Variants in RRP36 observed in about 807,000 individuals in gnomAD.
The protein encoded by RRP36 is ribosomal RNA processing 36.
A neutral mutation model predicts 39.8 loss-of-function variants in RRP36; 44 were observed. The ratio of observed to expected loss-of-function variants is 1.10; its 90% CI spans 0.87 to 1.42. The LOEUF is 1.42. Ranked by LOEUF, RRP36 falls within the 40% of genes most tolerant of loss-of-function variation. RRP36 has a pLI of 0.00. For synonymous variants in RRP36, 124 were observed against 123.1 expected, an observed-to-expected ratio of 1.01 and a Z score of -0.05; for missense variants, 316 against 322.4, an observed-to-expected ratio of 0.98 and a Z score of 0.15.
In RRP36 at chr6:43,021,665, C is replaced by T. The variant is rs575703356; in HGVS notation, c.11C>T (p.Ala4Val). 9.1e-5 allele frequency: 115 copies of T among 1,269,804 alleles called. No individual in the cohort carries two copies. The South Asian group carries it at 1.2e-3, about 13-fold the overall frequency. The allele number at this position is 1,269,804 out of a possible 1,614,324, so 78.7% of individuals were successfully genotyped here. A position where few individuals can be genotyped will look rare whatever the true frequency, so the allele number is the denominator to read the frequency against. ...CGCTACTGCCAGCTGATGCCGGGAG[C>T]TAACTACCGCGCCGGGGCCGGGGCC... MPG[A>V]NYRAGAGAGA... Residue 4 changes from alanine to valine, a missense_variant, in exon 1 of 7, where the codon GCT becomes GTT. Coordinates refer to ENST00000244496, the MANE Select transcript of RRP36 (RefSeq NM_033112.4).
At chr6:43,027,716 C>A (rs1360423464) in intron 6 of RRP36, among the ~76,000 whole-genome samples, 2 of 131,666 alleles carry the variant, frequency 1.5e-5, no homozygotes, top group South Asian at 2.9e-4. Flanking sequence ...TTCCCAACCC[C>A]CCCCCCCCAA....
rs934029119 is a variant in RRP36 at position 43,029,139 on chromosome 6, C to T, written c.691C>T (p.Arg231Cys). 19 of 1,614,110 alleles carry T rather than the reference C, an allele frequency of 1.2e-5. No individual in the cohort carries two copies. The highest frequency in any genetic ancestry group is 4.4e-5 in the South Asian group (4 of 91,088). The change falls in exon 7 of 7, where the codon CGC becomes TGC. Residue 231 changes from arginine (R) to cysteine (C), a missense_variant. Transcript: ENST00000244496. ...AGCTGAGAAGTTCAAGGAGCTGAAA[C>T]GCAGCAAGAAATTGGAGAACTTCTT... is the stretch of plus-strand genomic sequence containing the variant. ...ALAEKFKELK[R>C]SKKLENFLSR...
At chr6:43,021,815 G>T in intron 1 of RRP36, 31 bp downstream of exon 1, 1 of 1,200,314 alleles carries the variant, frequency 8.3e-7, no homozygotes, top group South Asian at 4.3e-5. Context: ...GGGCTGGGGA[G>T]GGGAAGGAGA....
In RRP36 at chr6:43,025,148, C is replaced by T. The variant is rs1341263624; in HGVS notation, c.278+16C>T. On this transcript the variant is annotated intron_variant, in intron 2 of 6. Transcript: ENST00000244496. ...ATAAGCACAGGTAAGCAAGGCTTGCCCTAGAAGTTGGAAGATAACTGGGAC... is the reference window on the plus strand; with the variant it reads ...ATAAGCACAGGTAAGCAAGGCTTGCTCTAGAAGTTGGAAGATAACTGGGAC... The T allele has an allele frequency of 6.2e-7, 1 of 1,613,552 alleles. No homozygotes were observed. The highest frequency in any genetic ancestry group is 2.2e-5 in the East Asian group (1 of 44,878).
intron 2 of RRP36, 42 bp from the exon 3 acceptor site, chr6:43,025,221 A>C: frequency 6.2e-7 from 1 of 1,613,090 alleles, no homozygotes; most frequent in Non-Finnish European, 8.5e-7. Context: ...GCCTTTGACC[A>C]ACACTGGAGT....
At position 43,029,236 on chromosome 6, in the gene RRP36, C is replaced by A. The variant is rs1156464765; in HGVS notation, c.*8C>A. The A allele has an allele frequency of 6.2e-7, 1 of 1,613,744 alleles. No homozygotes were observed. The highest frequency in any genetic ancestry group is 1.3e-5 in the African/African-American group (1 of 75,054). The stretch of plus-strand genomic sequence containing the variant: ...CCTTTGAGCAAAGAGTAATAAGGAA[C>A]TATCCTCTGCTCTGCCACTGCCCCA... On this transcript the variant is annotated 3_prime_UTR_variant, in exon 7 of 7. Transcript: ENST00000244496.
chr6:43,025,304 G>C lies in RRP36; in HGVS notation c.320G>C (p.Arg107Pro), dbSNP rs766723130. 2 of 1,613,782 alleles carry C rather than the reference G, an allele frequency of 1.2e-6. No individual in the cohort carries two copies. The highest frequency in any genetic ancestry group is 2.2e-5 in the East Asian group (1 of 44,874). Residue 107 changes from arginine to proline, a missense_variant, in exon 3 of 7, where the codon CGT becomes CCT. Transcript: ENST00000244496. Reference sequence around the variant, plus strand: ...GCCAAGATCCGAGTACCATTTTTACGTCAGGTTGTTCCCATTAGTAAAAAG... The same window carrying C: ...GCCAAGATCCGAGTACCATTTTTACCTCAGGTTGTTCCCATTAGTAAAAAG... ...MSAKIRVPFL[R>P]QVVPISKKVA...
chr6:43,021,771 C>G lies in RRP36; in HGVS notation c.117C>G (p.Arg39=). 1 of 1,211,978 alleles carries G rather than the reference C, an allele frequency of 8.3e-7. No homozygotes were observed. The highest frequency in any genetic ancestry group is 1.0e-6 in the Non-Finnish European group (1 of 975,012). The allele number at this position is 1,211,978 out of a possible 1,614,324, so 75.1% of individuals were successfully genotyped here. A position where few individuals can be genotyped will look rare whatever the true frequency, so the allele number is the denominator to read the frequency against. The change falls in exon 1 of 7, where the codon CGC becomes CGG. Residue 39 remains arginine, a synonymous_variant. Transcript: ENST00000244496. ...GGGLEPAAVA[R]DLLRGTSNMS... is the part of the protein sequence containing the mutation. Reference sequence around the variant, plus strand: ...GCCTGGAGCCCGCGGCCGTGGCCCGCGACCTATTGAGGGGTGAGGGCATGG... The same window carrying G: ...GCCTGGAGCCCGCGGCCGTGGCCCGGGACCTATTGAGGGGTGAGGGCATGG...
intron 1 of RRP36, among the ~76,000 whole-genome samples, chr6:43,022,259 C>A (rs538423363): frequency 6.6e-6 from 1 of 151,792 alleles, no homozygotes; most frequent in Non-Finnish European, 1.5e-5. Context: ...CCACCACGCC[C>A]GGCTAATTTT....
intron 4 of RRP36, 56 bp downstream of exon 4, chr6:43,026,197 C>A (rs1581886470): frequency 2.3e-6 from 3 of 1,284,898 alleles, no homozygotes; most frequent in Admixed American, 1.7e-5. Context: ...AATGAGGGCA[C>A]AGGTTAGAGA....
chr6:43,029,392 A>C lies in RRP36; in HGVS notation c.*164A>C. ...GCTCTTGGACTATCCCTAGGGCTAC[A>C]CAAGAATAGTTCAGCCTTCTGCCAT... On this transcript the variant is annotated 3_prime_UTR_variant, in exon 7 of 7. Transcript: ENST00000244496. 1.4e-6 allele frequency: 1 copy of C among 693,988 alleles called. No individual in the cohort carries two copies. The highest frequency in any genetic ancestry group is 2.3e-6 in the Non-Finnish European group (1 of 435,508). The allele number at this position is 693,988 out of a possible 1,614,324, so 43.0% of individuals were successfully genotyped here. A position where few individuals can be genotyped will look rare whatever the true frequency, so the allele number is the denominator to read the frequency against.
intron 4 of RRP36, 25 bp downstream of exon 4, chr6:43,026,166 G>A: frequency 6.4e-7 from 1 of 1,566,926 alleles, no homozygotes; most frequent in Non-Finnish European, 8.8e-7. Flanking sequence ...ACTGGTTTAT[G>A]GGGAATTTTG....
intron 1 of RRP36, among the ~76,000 whole-genome samples, chr6:43,022,292 G>A (rs766994156): frequency 1.3e-5 from 2 of 151,934 alleles, no homozygotes; most frequent in Non-Finnish European, 2.9e-5. Flanking sequence ...TAGAGACGGG[G>A]TCTCACCTTG....
At chr6:43,027,574 G>A (rs1048559766) in intron 6 of RRP36, 97 bp downstream of exon 6, 9 of 969,432 alleles carry the variant, frequency 9.3e-6, no homozygotes, top group Non-Finnish European at 1.1e-5. Context: ...TTTAAGGAAG[G>A]CATGAAGGCT....
chr6:43,024,834 C>T, intron 1 of RRP36, 151 bp from the exon 2 acceptor site: 1 of 937,962 alleles, frequency 1.1e-6, no homozygotes, highest in South Asian at 1.7e-5. Flanking sequence ...GAGAGTTTAA[C>T]ACTATCACAG....
At chr6:43,026,437 T>A (rs1169573834) in intron 4 of RRP36, among the ~76,000 whole-genome samples, 1 of 151,164 alleles carries the variant, frequency 6.6e-6, no homozygotes, top group African/African-American at 2.4e-5. Context: ...TTGGGGAGAC[T>A]GAGGTGAGCA....
chr6:43,029,027 C>T (rs1762866806), intron 6 of RRP36, 65 bp from the exon 7 acceptor site: 8 of 1,597,300 alleles, frequency 5.0e-6, no homozygotes, highest in African/African-American at 2.7e-5. Flanking sequence ...AGTTACTGAC[C>T]TGGTTTGGGA....
intron 4 of RRP36, 117 bp downstream of exon 4, chr6:43,026,258 C>G: frequency 1.7e-6 from 1 of 591,638 alleles, no homozygotes. Flanking sequence ...TAACTCTCTC[C>G]AATTCAGTTC....
chr6:43,025,926 G>A (rs1762806056), intron 3 of RRP36, 111 bp from the exon 4 acceptor site: 1 of 710,178 alleles, frequency 1.4e-6, no homozygotes, highest in Non-Finnish European at 2.3e-6. Context: ...GAGCGAGACT[G>A]TGTCTCAAAA....
Sources: gnomAD v4.1 joint callset for allele counts (sites outside exome capture counted in the v4.1 genomes callset) on GRCh38, gnomAD v4.1.1 for gene constraint, MANE v1.5 for transcripts, NCBI Gene and HGNC (gene_info 2026-07-23, HGNC 2026-07-21) for gene names.